C1orf105: variants seen among roughly 807,000 people sequenced by gnomAD.
C1orf105 encodes uncharacterized protein C1orf105.
In C1orf105, 17 loss-of-function variants were observed where a neutral mutation model predicts 20.8. That is an observed-to-expected ratio of 0.82 (90% CI 0.56 to 1.23). C1orf105 has a LOEUF of 1.23. Among genes scored for constraint, C1orf105 ranks in the 50% most tolerant of loss-of-function variants. The pLI is 0.00. For synonymous variants in C1orf105, 72 were observed against 72.1 expected (o/e 1.00, Z 0.01); for missense variants, 219 against 213.5 (o/e 1.03, Z -0.16).
chr1:172,444,281 A>G, intron 1 of C1orf105: 1 of 985,452 alleles, frequency 1.0e-6, no homozygotes, highest in Non-Finnish European at 1.2e-6. Flanking sequence ...CATCTGAAGG[A>G]CTGGGTAAGG....
chr1:172,456,261 C>G (rs943045073), intron 3 of C1orf105, among the ~76,000 whole-genome samples, 154 bp from the exon 4 acceptor site: 1 of 152,168 alleles, frequency 6.6e-6, no homozygotes, highest in Non-Finnish European at 1.5e-5. Flanking sequence ...AGATTCAACA[C>G]CCACCCTGGA....
intron 3 of C1orf105, among the ~76,000 whole-genome samples, chr1:172,450,343 G>A (rs1648481964): frequency 6.6e-6 from 1 of 152,176 alleles, no homozygotes; most frequent in African/African-American, 2.4e-5. Flanking sequence ...CTCTGTTGGG[G>A]CACCAGGCCA....
intron 1 of C1orf105, chr1:172,443,721 C>G (rs190663607): frequency 3.0e-5 from 5 of 167,588 alleles, no homozygotes; most frequent in Admixed American, 2.6e-4. Context: ...CAGCAGGGAT[C>G]CCAGCCCGGG....
intron 1 of C1orf105, among the ~76,000 whole-genome samples, chr1:172,430,834 G>GCAAAA (rs1176489309): frequency 1.6e-4 from 25 of 151,532 alleles, no homozygotes; most frequent in Non-Finnish European, 3.5e-4. Context: ...TGCTCACTTT[G>GCAAAA]TGTTCCTGTG....
intron 1 of C1orf105, among the ~76,000 whole-genome samples, chr1:172,423,100 C>G (rs1405740590): frequency 6.6e-6 from 1 of 151,624 alleles, no homozygotes. Flanking sequence ...GTTTTACCAC[C>G]TGCTGATTGT....
chr1:172,455,962 G>A (rs1649189096), intron 3 of C1orf105, among the ~76,000 whole-genome samples: 1 of 152,182 alleles, frequency 6.6e-6, no homozygotes, highest in Non-Finnish European at 1.5e-5. Context: ...ATTTGCAGAA[G>A]AGAAGTCTTC....
In C1orf105 at chr1:172,468,717, C is replaced by T. The variant is rs567254685; in HGVS notation, c.*123C>T. On this transcript the variant is annotated 3_prime_UTR_variant, in exon 7 of 7. Transcript: ENST00000367727. ...TCTCCCAAAAGATGATTTAATTTTG[C>T]CTTCCTAAGATTGCTGGTATTCTAG... The T allele has an allele frequency of 2.5e-5, 29 of 1,141,714 alleles. No individual in the cohort carries two copies. The highest frequency in any genetic ancestry group is 3.3e-5 in the Non-Finnish European group (27 of 807,904). 70.7% of individuals were successfully genotyped at this position (1,141,714 alleles called of 1,614,324 possible). A position where few individuals can be genotyped will look rare whatever the true frequency, so the allele number is the denominator to read the frequency against.
chr1:172,438,603 A>C (rs1426346640), intron 1 of C1orf105, among the ~76,000 whole-genome samples: 1 of 152,244 alleles, frequency 6.6e-6, no homozygotes, highest in Non-Finnish European at 1.5e-5. Context: ...TGAAGATGCC[A>C]TGAACATTGT....
rs1647325450 is a variant in C1orf105 at position 172,441,742 on chromosome 1, C to A, written c.22-3331C>A. ...GGATGTCCTAATTTAACTGAGGAAC[C>A]TGGACAAGTCTTCCTTGATTTCAGC... On this transcript the variant is annotated intron_variant, in intron 1 of 6. Coordinates refer to ENST00000367727, the MANE Select transcript of C1orf105 (RefSeq NM_139240.4). The A allele has an allele frequency of 3.9e-6, 6 of 1,547,684 alleles. No individual in the cohort carries two copies. The Middle Eastern group carries it at 7.1e-4, about 183-fold the overall frequency.
At chr1:172,431,945 G>A (rs1225078840) in intron 1 of C1orf105, among the ~76,000 whole-genome samples, 5 of 152,250 alleles carry the variant, frequency 3.3e-5, no homozygotes, top group Admixed American at 3.3e-4. Context: ...TCTCTCTCGT[G>A]CTTGGCTTGG....
intron 1 of C1orf105, chr1:172,441,742 CT>C (rs1359647170): frequency 1.9e-6 from 3 of 1,547,684 alleles, no homozygotes; most frequent in African/African-American, 2.8e-5. Context: ...ACTGAGGAAC[CT>C]GGACAAGTCT....
intron 1 of C1orf105, chr1:172,441,593 ATTT>A (rs774011189): frequency 1.0e-4 from 77 of 765,244 alleles, no homozygotes; most frequent in Non-Finnish European, 1.4e-4. Flanking sequence ...CCTTTGGTTC[ATTT>A]TTTTTGGTTT....
chr1:172,456,028 T>C (rs1181425904), intron 3 of C1orf105, among the ~76,000 whole-genome samples: 4 of 152,194 alleles, frequency 2.6e-5, no homozygotes, highest in African/African-American at 7.2e-5. Flanking sequence ...GGAGCCTTTT[T>C]ATGAAATGGA....
intron 3 of C1orf105, among the ~76,000 whole-genome samples, chr1:172,451,441 T>G (rs1648624156): frequency 6.6e-6 from 1 of 152,232 alleles, no homozygotes. Flanking sequence ...CTTTCTATTT[T>G]CTCACCACTA....
chr1:172,446,891 G>A (rs532359048), intron 2 of C1orf105, among the ~76,000 whole-genome samples: 12 of 152,320 alleles, frequency 7.9e-5, no homozygotes, highest in African/African-American at 2.4e-4. Flanking sequence ...AATTACCTTA[G>A]GCAGGCAGTG....
chr1:172,434,847 G>A (rs1208048273), intron 1 of C1orf105, among the ~76,000 whole-genome samples: 13 of 152,204 alleles, frequency 8.5e-5, no homozygotes, highest in East Asian at 1.9e-4. Flanking sequence ...TTGATAGACC[G>A]CTAGCAAGAC....
rs1028543439 is a variant in C1orf105, at chr1:172,459,270, A to G, written c.273+2781A>G. Among the ~76,000 whole-genome samples, 7 of 152,162 alleles carry G rather than the reference A, an allele frequency of 4.6e-5. No individual in the cohort carries two copies. The South Asian group carries it at 1.4e-3, about 32-fold the overall frequency. On this transcript the variant is annotated intron_variant, in intron 4 of 6. Transcript: ENST00000367727. The stretch of plus-strand genomic sequence containing the variant: ...CGAAAAGACAACCCAAATATTTGCA[A>G]ATCAACAGATGAAGGATTATGTCAG...
intron 2 of C1orf105, among the ~76,000 whole-genome samples, chr1:172,447,023 C>T (rs1349318449): frequency 6.6e-6 from 1 of 152,166 alleles, no homozygotes; most frequent in African/African-American, 2.4e-5. Context: ...GTGCCCTGAG[C>T]TCTCAGGAGG....
chr1:172,424,374 G>C (rs543443080), intron 1 of C1orf105, among the ~76,000 whole-genome samples: 2 of 152,124 alleles, frequency 1.3e-5, no homozygotes, highest in African/African-American at 4.8e-5. Flanking sequence ...GGCTTTTAGG[G>C]GTTATATTCC....
Sources: allele counts gnomAD v4.1 joint callset (sites outside exome capture counted in the v4.1 genomes callset), GRCh38; gene constraint gnomAD v4.1.1; transcripts MANE v1.5; gene names NCBI Gene and HGNC (gene_info 2026-07-23, HGNC 2026-07-21).